The following GARRE1 variants were observed in gnomAD, a reference collection of about 807,000 sequenced individuals.
GARRE1 encodes the protein granule associated Rac and RHOG effector protein 1.
Under a neutral mutation model 103.2 loss-of-function variants are expected in GARRE1, and 49 were observed. That is an observed-to-expected ratio of 0.47 (90% CI 0.38 to 0.60). The LOEUF is 0.60. GARRE1 is among the 20% of genes least tolerant of loss of function. The probability of loss-of-function intolerance (pLI) is 0.00; values close to 1 mark genes in which losing one functional copy is unlikely to be tolerated. For missense variants in GARRE1, 1,199 were observed against 1,370.5 expected (o/e 0.87, Z 1.98); for synonymous variants, 505 against 532.8 (o/e 0.95, Z 0.72).
Position 34,328,018 on chromosome 19 carries a change from A to G in GARRE1, c.971A>G (p.Gln324Arg). Reference protein sequence around the residue: ...QGCCSEAEAQQTGRRQTPPQP... With the variant: ...QGCCSEAEAQRTGRRQTPPQP... The stretch of plus-strand genomic sequence containing the variant: ...TGCTGCAGCGAGGCGGAAGCCCAGC[A>G]GACGGGGCGGAGGCAGACACCCCCG... Residue 324 changes from glutamine (Q) to arginine (R), a missense_variant, in exon 6 of 14, where the codon CAG becomes CGG. Gln to Arg is a conservative substitution (Grantham distance 43). Coordinates refer to ENST00000299505, the MANE Select transcript of GARRE1 (RefSeq NM_014686.5). 1 of 1,614,202 alleles carries G rather than the reference A, an allele frequency of 6.2e-7. No homozygotes were observed. Among genetic ancestry groups the G allele is most frequent in the Non-Finnish European group, 8.5e-7 (1 of 1,180,040 alleles).
Position 34,352,834 on chromosome 19 carries a change from TCTC to T in GARRE1, c.3095_3097del (p.Ser1032del), listed in dbSNP as rs759222307. On this transcript the variant is annotated inframe_deletion, in exon 14 of 14. Transcript: ENST00000299505. ...ACCAACGACTGCAGTGCCGCTGCCT[TCTC>T]CTATGTGCAGACCCCACCCCAGCCC... The T allele has an allele frequency of 1.0e-4, 161 of 1,610,584 alleles. No homozygotes were observed. In the African/African-American group the frequency reaches 1.8e-3, roughly 18 times the overall value.
intron 2 of GARRE1, among the ~76,000 whole-genome samples, chr19:34,311,217 T>C (rs1369145057): frequency 6.6e-6 from 1 of 152,182 alleles, no homozygotes; most frequent in Non-Finnish European, 1.5e-5. Flanking sequence ...CCATTTTTTC[T>C]TAGTAACAAA....
chr19:34,325,806 G>A (rs532819003), intron 3 of GARRE1, among the ~76,000 whole-genome samples: 3 of 152,206 alleles, frequency 2.0e-5, no homozygotes, highest in South Asian at 4.2e-4. Context: ...TAGTTCCTTG[G>A]ATGTGTCTTT....
chr19:34,304,648 A>G lies in GARRE1; in HGVS notation c.495+3680A>G, dbSNP rs2073999156. Among the ~76,000 whole-genome samples, 3 of 151,808 alleles carry G rather than the reference A, an allele frequency of 2.0e-5. No individual in the cohort carries two copies. In the South Asian group the frequency reaches 6.2e-4, roughly 32 times the overall value. ...CTACCTCGGCCTTCCAAAGTGTTGGAATTACAGAGGTTAGCCACCACGCCC... is the reference window on the plus strand; with the variant it reads ...CTACCTCGGCCTTCCAAAGTGTTGGGATTACAGAGGTTAGCCACCACGCCC... On this transcript the variant is annotated intron_variant, in intron 2 of 13. Coordinates refer to ENST00000299505, the MANE Select transcript of GARRE1 (RefSeq NM_014686.5).
intron 3 of GARRE1, among the ~76,000 whole-genome samples, chr19:34,326,436 C>A (rs2074112100): frequency 6.6e-6 from 1 of 152,204 alleles, no homozygotes; most frequent in South Asian, 2.1e-4. Context: ...TTTCTGTATT[C>A]TCTTCTTGTC....
At chr19:34,346,533 C>G (rs760278891) in intron 10 of GARRE1, among the ~76,000 whole-genome samples, 1 of 152,116 alleles carries the variant, frequency 6.6e-6, no homozygotes, top group Non-Finnish European at 1.5e-5. Flanking sequence ...GCTTTGTTAA[C>G]GTTCAGGTTA....
chr19:34,305,253 C>T (rs1047589522), intron 2 of GARRE1, among the ~76,000 whole-genome samples: 3 of 152,278 alleles, frequency 2.0e-5, no homozygotes, highest in Non-Finnish European at 2.9e-5. Flanking sequence ...TCCAGACTAC[C>T]GTCTGTACAT....
rs765193877 is a variant in GARRE1, at chr19:34,351,598, C to G, written c.2904+6C>G. 3.7e-6 allele frequency: 6 copies of G among 1,609,196 alleles called. No individual in the cohort carries two copies. Among genetic ancestry groups the G allele is most frequent in the Non-Finnish European group, 4.3e-6 (5 of 1,175,838 alleles). On this transcript the variant is annotated splice_donor_region_variant and intron_variant, in intron 13 of 13. Transcript: ENST00000299505. Reference sequence around the variant, plus strand: ...CGGTGGAGGATGTGAACCAGGTATTCAGGCAGGCTCTGTGGGCACAGACTT... The same window carrying G: ...CGGTGGAGGATGTGAACCAGGTATTGAGGCAGGCTCTGTGGGCACAGACTT...
Position 34,342,347 on chromosome 19 carries a change from G to T in GARRE1, c.2413G>T (p.Val805Phe). ...CTATATGGATAATGTGATGTCAGAG[G>T]TTCTGGGACAGAAGCCGCAGGGACC... ...SSYMDNVMSE[V>F]LGQKPQGPRN... is the part of the protein sequence containing the mutation. The change falls in exon 10 of 14, where the codon GTT (valine) becomes TTT (phenylalanine). Residue 805 changes from valine to phenylalanine, a missense_variant. Physicochemically the swap from Val to Phe is conservative, Grantham distance 50 (BLOSUM62 -1). Transcript: ENST00000299505. 6.2e-7 allele frequency: 1 copy of T among 1,614,162 alleles called. No homozygotes were observed. The highest frequency in any genetic ancestry group is 8.5e-7 in the Non-Finnish European group (1 of 1,180,034).
At chr19:34,308,671 G>A (rs1287767263) in intron 2 of GARRE1, among the ~76,000 whole-genome samples, 1 of 152,168 alleles carries the variant, frequency 6.6e-6, no homozygotes, top group African/African-American at 2.4e-5. Flanking sequence ...GGAGGGACTG[G>A]ACCCTTTGAC....
intron 1 of GARRE1, among the ~76,000 whole-genome samples, chr19:34,263,020 C>T (rs1351310512): frequency 6.6e-6 from 1 of 151,938 alleles, no homozygotes; most frequent in East Asian, 1.9e-4. Context: ...TTGAGACCAG[C>T]CTGACAACAT....
Position 34,342,123 on chromosome 19 carries a change from A to T in GARRE1, c.2189A>T (p.Gln730Leu), listed in dbSNP as rs147722073. The T allele has an allele frequency of 7.4e-5, 119 of 1,613,510 alleles. No homozygotes were observed. The highest frequency in any genetic ancestry group is 9.9e-5 in the Non-Finnish European group (117 of 1,179,626). The change falls in exon 10 of 14, where the codon CAA becomes CTA. Residue 730 changes from glutamine to leucine, a missense_variant. Gln to Leu is a moderately radical substitution (Grantham distance 113). Coordinates refer to ENST00000299505, the MANE Select transcript of GARRE1 (RefSeq NM_014686.5). ...CAGTCCCCAAAGCAGCAACAACCTC[A>T]AGTCCAATACTACCAACACCTACTC... is the stretch of plus-strand genomic sequence containing the variant. ...QQQSPKQQQP[Q>L]VQYYQHLLQP...
intron 1 of GARRE1, among the ~76,000 whole-genome samples, chr19:34,259,823 A>G (rs927788892): frequency 1.3e-5 from 2 of 152,122 alleles, no homozygotes; most frequent in African/African-American, 4.8e-5. Context: ...ATGGGAGGTA[A>G]TTTAATCATA....
chr19:34,338,857 G>C (rs1183988113), intron 8 of GARRE1, among the ~76,000 whole-genome samples: 2 of 152,226 alleles, frequency 1.3e-5, no homozygotes, highest in East Asian at 1.9e-4. Flanking sequence ...ACTACAGGAA[G>C]CTCACTCTGG....
chr19:34,336,548 A>G (rs1253774201), intron 8 of GARRE1, among the ~76,000 whole-genome samples: 4 of 149,134 alleles, frequency 2.7e-5, no homozygotes, highest in African/African-American at 7.4e-5. Context: ...GCTCACTGCA[A>G]CCTCCACCTC....
intron 3 of GARRE1, among the ~76,000 whole-genome samples, chr19:34,326,302 A>G (rs1283595260): frequency 6.6e-6 from 1 of 152,238 alleles, no homozygotes; most frequent in Non-Finnish European, 1.5e-5. Context: ...TACAACTCCT[A>G]CACTGGCCCA....
chr19:34,254,711 C>T (rs1294707461), intron 1 of GARRE1, 97 bp downstream of exon 1: 35 of 146,604 alleles, frequency 2.4e-4, no homozygotes, highest in Admixed American at 2.4e-3. Flanking sequence ...CCAGGGCAGA[C>T]GGCGAGACGG....
At chr19:34,350,213 C>A (rs887344078) in intron 12 of GARRE1, among the ~76,000 whole-genome samples, 1 of 152,134 alleles carries the variant, frequency 6.6e-6, no homozygotes, top group Non-Finnish European at 1.5e-5. Flanking sequence ...GAACAAAGTG[C>A]GGCAGCAACT....
intron 1 of GARRE1, among the ~76,000 whole-genome samples, chr19:34,257,284 A>G (rs1001832598): frequency 6.6e-6 from 1 of 152,086 alleles, no homozygotes; most frequent in Non-Finnish European, 1.5e-5. Flanking sequence ...CCAAGTCTAT[A>G]GGAAATAATT....
Sources: gnomAD v4.1 joint callset for allele counts (sites outside exome capture counted in the v4.1 genomes callset) on GRCh38, gnomAD v4.1.1 for gene constraint, MANE v1.5 for transcripts, NCBI Gene and HGNC (gene_info 2026-07-23, HGNC 2026-07-21) for gene names.